Variants in ECPAS observed in about 807,000 individuals in gnomAD.
ECPAS encodes the protein proteasome adapter and scaffold protein ECM29.
ECPAS carries 70 observed loss-of-function variants against 255.1 expected under a neutral mutation model. That is an observed-to-expected ratio of 0.27 (90% CI 0.23 to 0.33). ECPAS has a LOEUF of 0.33. ECPAS is among the 10% of genes least tolerant of loss of function. ECPAS has a pLI of 1.00. For synonymous variants in ECPAS, 784 were observed against 775.0 expected, an observed-to-expected ratio of 1.01 and a Z score of -0.19; for missense variants, 1,817 against 2,206.4, an observed-to-expected ratio of 0.82 and a Z score of 3.54.
At chr9:111,410,952 C>T (rs2131721552) in intron 22 of ECPAS, 28 bp downstream of exon 22, 1 of 1,577,482 alleles carries the variant, frequency 6.3e-7, no homozygotes, top group South Asian at 1.2e-5. Flanking sequence ...AACTGCAACA[C>T]CCAAATCGAC....
chr9:111,394,249 T>C lies in ECPAS; in HGVS notation c.2833A>G (p.Ile945Val), dbSNP rs370955976. 2.5e-6 allele frequency: 4 copies of C among 1,602,988 alleles called. No homozygotes were observed. Among genetic ancestry groups the C allele is most frequent in the Non-Finnish European group, 3.4e-6 (4 of 1,174,500 alleles). Residue 945 changes from isoleucine (I) to valine (V), a missense_variant, in exon 26 of 50, where the codon ATC becomes GTC. Ile to Val is a conservative substitution (Grantham distance 29). This residue lies in a region of ECPAS where 960 missense variants were observed against 1,179.0 expected (regional missense o/e 0.81). Coordinates refer to ENST00000684092, the MANE Select transcript of ECPAS (RefSeq NM_001364929.1). ...WVLDVILNKHIISPNPHVRQA... is the reference protein window; with the variant it reads ...WVLDVILNKHVISPNPHVRQA... ...CTCACGTGTGGGTTGGGGCTGATGA[T>C]ATGTTTATTTAAAATCACATCCAAC...
Position 111,423,257 on chromosome 9 carries a change from TAAAAAAAGA to T in ECPAS, c.1216-18_1216-10del, listed in dbSNP as rs1239225453. The T allele has an allele frequency of 1.3e-6, 2 of 1,541,740 alleles. No individual in the cohort carries two copies. Among genetic ancestry groups the T allele is most frequent in the Non-Finnish European group, 1.8e-6 (2 of 1,139,094 alleles). Reference sequence around the variant, plus strand: ...GACAGTAGTTTAGGGTCCTTGAAATTAAAAAAAGAAAAGAAAGAAAAGAAAGAACAAAAA... The same window carrying T: ...GACAGTAGTTTAGGGTCCTTGAAATTAAAGAAAGAAAAGAAAGAACAAAAA... On this transcript the variant is annotated splice_polypyrimidine_tract_variant and intron_variant, in intron 12 of 49. Transcript: ENST00000684092.
chr9:111,459,493 T>C (rs2098270718), intron 2 of ECPAS, among the ~76,000 whole-genome samples: 1 of 152,192 alleles, frequency 6.6e-6, no homozygotes, highest in South Asian at 2.1e-4. Context: ...TTCCATCAGC[T>C]GGGAGCAAAA....
At chr9:111,370,408 C>CAGA (rs1377062526) in intron 45 of ECPAS, 27 bp downstream of exon 45, 6 of 1,457,560 alleles carry the variant, frequency 4.1e-6, no homozygotes, top group Non-Finnish European at 5.6e-6. Context: ...AAGTATAAAC[C>CAGA]AGAACTGAGG....
At chr9:111,389,804 TATGCCTAA>T in intron 30 of ECPAS, 81 bp from the exon 31 acceptor site, 1 of 1,385,686 alleles carries the variant, frequency 7.2e-7, no homozygotes, top group Non-Finnish European at 9.8e-7. Flanking sequence ...CCTCCAAACT[TATGCCTAA>T]ATACAGCCTG....
intron 21 of ECPAS, 144 bp from the exon 22 acceptor site, chr9:111,411,286 G>A (rs2098193951): frequency 2.5e-6 from 2 of 802,634 alleles, no homozygotes; most frequent in Non-Finnish European, 3.9e-6. Flanking sequence ...GGTTTCACTG[G>A]ATGCTAATGC....
chr9:111,431,608 A>T (rs965351143), intron 8 of ECPAS, among the ~76,000 whole-genome samples: 1 of 150,994 alleles, frequency 6.6e-6, no homozygotes, highest in African/African-American at 2.4e-5. Flanking sequence ...CACCCTCTGC[A>T]GCAGATCCCA....
At chr9:111,375,017 TG>T (rs1376473684) in intron 38 of ECPAS, 95 bp downstream of exon 38, 2 of 870,920 alleles carry the variant, frequency 2.3e-6, no homozygotes, top group Non-Finnish European at 3.8e-6. Flanking sequence ...TATTAGATTT[TG>T]TGGTAAAACA....
intron 9 of ECPAS, 134 bp from the exon 10 acceptor site, chr9:111,428,295 A>T (rs1164558901): frequency 1.3e-5 from 9 of 689,902 alleles, no homozygotes; most frequent in Non-Finnish European, 6.8e-6. Flanking sequence ...AAAATTACTG[A>T]ACTCTCCAAA....
At chr9:111,435,592 G>A (rs2098236794) in intron 7 of ECPAS, among the ~76,000 whole-genome samples, 2 of 152,010 alleles carry the variant, frequency 1.3e-5, no homozygotes, top group African/African-American at 4.8e-5. Flanking sequence ...GGGTTGCTCC[G>A]AGGGTTAAAT....
intron 12 of ECPAS, among the ~76,000 whole-genome samples, chr9:111,424,423 A>G (rs1369376062): frequency 1.3e-5 from 2 of 152,236 alleles, no homozygotes; most frequent in African/African-American, 2.4e-5. Flanking sequence ...TTTCAGATGT[A>G]AGATCTTGAT....
chr9:111,378,553 A>G, intron 36 of ECPAS, 27 bp downstream of exon 36: 1 of 1,599,526 alleles, frequency 6.3e-7, no homozygotes, highest in Admixed American at 1.7e-5. Flanking sequence ...CATGATACTT[A>G]CCAATATGCC....
chr9:111,422,322 GCT>G (rs2098215295), intron 13 of ECPAS, 122 bp from the exon 14 acceptor site: 5 of 958,456 alleles, frequency 5.2e-6, no homozygotes, highest in African/African-American at 1.7e-5. Flanking sequence ...ATCATTACCC[GCT>G]CTGAGAGCCA....
At chr9:111,391,032 T>C (rs1160630188) in intron 29 of ECPAS, among the ~76,000 whole-genome samples, 1 of 152,160 alleles carries the variant, frequency 6.6e-6, no homozygotes, top group African/African-American at 2.4e-5. Flanking sequence ...CACCAATGGC[T>C]GGTCACTGAG....
At chr9:111,438,917 T>C (rs944631091) in intron 6 of ECPAS, among the ~76,000 whole-genome samples, 1 of 152,220 alleles carries the variant, frequency 6.6e-6, no homozygotes, top group Non-Finnish European at 1.5e-5. Flanking sequence ...ATGCCTAGCT[T>C]ACCATGTACA....
At chr9:111,401,248 G>T (rs570116645) in intron 24 of ECPAS, among the ~76,000 whole-genome samples, 1 of 152,138 alleles carries the variant, frequency 6.6e-6, no homozygotes, top group Non-Finnish European at 1.5e-5. Context: ...CCTAAGTGTC[G>T]GTTGGTCTGA....
At chr9:111,380,093 C>T (rs1221987166) in intron 35 of ECPAS, among the ~76,000 whole-genome samples, 1 of 152,234 alleles carries the variant, frequency 6.6e-6, no homozygotes, top group African/African-American at 2.4e-5. Context: ...TCAAAGGAAT[C>T]ACTATCAATG....
intron 1 of ECPAS, among the ~76,000 whole-genome samples, chr9:111,479,127 C>G (rs575651551): frequency 6.6e-6 from 1 of 152,216 alleles, no homozygotes; most frequent in African/African-American, 2.4e-5. Flanking sequence ...CATAAAGCAG[C>G]AATAATAATG....
chr9:111,371,391 T>C (rs1306442948), intron 43 of ECPAS, among the ~76,000 whole-genome samples: 1 of 152,096 alleles, frequency 6.6e-6, no homozygotes, highest in Non-Finnish European at 1.5e-5. Flanking sequence ...ATATGGAAAA[T>C]GTATCTATCT....
Sources: allele counts gnomAD v4.1 joint callset (sites outside exome capture counted in the v4.1 genomes callset), GRCh38; gene constraint gnomAD v4.1.1; regional missense constraint gnomAD v4.1.1; transcripts MANE v1.5; gene names NCBI Gene and HGNC (gene_info 2026-07-23, HGNC 2026-07-21).